The following SYNE3 variants were observed in gnomAD, a reference collection of about 807,000 sequenced individuals.
SYNE3 encodes nesprin-3.
In SYNE3, 100 loss-of-function variants were observed where a neutral mutation model predicts 111.2. That is an observed-to-expected ratio of 0.90 (90% confidence interval 0.77 to 1.06). The LOEUF is 1.06. Ranked by LOEUF, SYNE3 falls within the 50% of genes least tolerant of loss-of-function variation. The pLI is 0.00. For synonymous variants in SYNE3, 547 were observed against 533.9 expected (o/e 1.02, Z -0.34); for missense variants, 1,160 against 1,240.3 (o/e 0.94, Z 0.97).
intron 1 of SYNE3, among the ~76,000 whole-genome samples, chr14:95,477,943 G>A (rs1047756850): frequency 1.3e-5 from 2 of 152,178 alleles, no homozygotes; most frequent in African/African-American, 2.4e-5. Flanking sequence ...GGACAGAGAC[G>A]AGTCCTGCTG....
In SYNE3 at chr14:95,516,578, C is replaced by T. The variant is rs1373330508; in HGVS notation, c.-15+18G>A. 6.7e-6 allele frequency among the ~76,000 whole-genome samples: 1 copy of T among 148,558 alleles called. No homozygotes were observed. The highest frequency in any genetic ancestry group is 1.5e-5 in the Non-Finnish European group (1 of 66,374). On this transcript the variant is annotated intron_variant, in intron 1 of 17. Transcript: ENST00000682763. The stretch of plus-strand genomic sequence containing the variant: ...GCCCCCGGCCCCAGGCCTGGCCTCC[C>T]GGCCCCGTGCCACTTACCCTCCCGG...
At chr14:95,444,660 G>C (rs995192063) in intron 9 of SYNE3, 32 bp from the exon 10 acceptor site, 1 of 1,540,964 alleles carries the variant, frequency 6.5e-7, no homozygotes, top group Non-Finnish European at 8.8e-7. Flanking sequence ...TGCACATTAA[G>C]AGCGTTCCTC....
intron 16 of SYNE3, 32 bp from the exon 17 acceptor site, chr14:95,432,149 G>GA (rs112612004): frequency 0.12 from 196,640 of 1,598,104 alleles, 13,105 homozygotes; most frequent in Admixed American, 0.27. Flanking sequence ...GGAAAAGGGG[G>GA]GAAAAAAATA....
intron 4 of SYNE3, among the ~76,000 whole-genome samples, chr14:95,461,880 G>A (rs999883803): frequency 6.6e-6 from 1 of 152,216 alleles, no homozygotes; most frequent in African/African-American, 2.4e-5. Context: ...CTGGGTATGT[G>A]GAGTGCCCAC....
chr14:95,445,723 A>G (rs1045709646), intron 9 of SYNE3, among the ~76,000 whole-genome samples, 186 bp downstream of exon 9: 2 of 152,362 alleles, frequency 1.3e-5, no homozygotes, highest in Admixed American at 1.3e-4. Context: ...TAGAGGGACC[A>G]TGCAAGAATC....
In SYNE3 at chr14:95,433,326, C is replaced by A. The variant is rs1311917143; in HGVS notation, c.2622G>T (p.Glu874Asp). The A allele has an allele frequency of 6.8e-6, 11 of 1,614,068 alleles. No homozygotes were observed. Among genetic ancestry groups the A allele is most frequent in the Non-Finnish European group, 9.3e-6 (11 of 1,180,044 alleles). The change falls in exon 16 of 18, where the codon GAG (glutamate) becomes GAT (aspartate). Residue 874 changes from glutamate to aspartate, a missense_variant. Transcript: ENST00000682763. ...RLGPARGTSD[E>D]LEDLRYQWML... ...TCCACTGGTAGCGCAGATCTTCCAG[C>A]TCATCCGAGGTCCCCCTTGCTGGCC... is the stretch of plus-strand genomic sequence containing the variant.
intron 5 of SYNE3, among the ~76,000 whole-genome samples, chr14:95,456,673 C>A (rs1887458728): frequency 6.6e-6 from 1 of 152,166 alleles, no homozygotes; most frequent in Non-Finnish European, 1.5e-5. Context: ...CCAGGGATTT[C>A]CATAAAGCCT....
Position 95,466,005 on chromosome 14 carries a change from C to G in SYNE3, c.553G>C (p.Gly185Arg). ...GCATCTTCGTCCACGCTGGGGTCCC[C>G]GATCCTGTTGAACAGGGAGGCTGCC... ...EEAASLFNRI[G>R]DPSVDEDAQK... The change falls in exon 4 of 18, where the codon GGG becomes CGG. Residue 185 changes from glycine to arginine, a missense_variant. Coordinates refer to ENST00000682763, the MANE Select transcript of SYNE3 (RefSeq NM_152592.6). 1 of 1,610,854 alleles carries G rather than the reference C, an allele frequency of 6.2e-7. No homozygotes were observed.
At chr14:95,514,326 G>A (rs1012585529) in intron 1 of SYNE3, among the ~76,000 whole-genome samples, 4 of 152,162 alleles carry the variant, frequency 2.6e-5, no homozygotes, top group African/African-American at 9.7e-5. Context: ...AGCTGTTTGG[G>A]GTCAAGAGCC....
intron 1 of SYNE3, among the ~76,000 whole-genome samples, chr14:95,509,128 A>G (rs1217825635): frequency 6.6e-6 from 1 of 152,230 alleles, no homozygotes; most frequent in African/African-American, 2.4e-5. Flanking sequence ...ATTAGTATCA[A>G]TGGCAAAGTG....
At position 95,470,827 on chromosome 14, in the gene SYNE3, G is replaced by A. The variant is rs373945167; in HGVS notation, c.145-2860C>T. The stretch of plus-strand genomic sequence containing the variant: ...ACAAAAATTAGCCGGGCATGGTGGC[G>A]CACACCTGTGATCCTAGCTACTCAG... On this transcript the variant is annotated intron_variant, in intron 2 of 17. Coordinates refer to ENST00000682763, the MANE Select transcript of SYNE3 (RefSeq NM_152592.6). The surrounding 1 kb of genome is among the most constrained non-coding windows in gnomAD (Gnocchi z 4.2). 5.2e-4 allele frequency among the ~76,000 whole-genome samples: 78 copies of A among 151,296 alleles called. No individual in the cohort carries two copies. The highest frequency in any genetic ancestry group is 1.6e-3 in the African/African-American group (66 of 41,264).
chr14:95,408,929 G>T lies in SYNE3; in HGVS notation c.*8897C>A. ...CAGTGGGAAGGTAGACAGACAGTGG[G>T]TACCTGCTCCCGTCCCCTGGGACCT... is the stretch of plus-strand genomic sequence containing the variant. On this transcript the variant is annotated 3_prime_UTR_variant, in exon 18 of 18. Transcript: ENST00000682763. 1 of 355,056 alleles carries T rather than the reference G, an allele frequency of 2.8e-6. No homozygotes were observed. The highest frequency in any genetic ancestry group is 2.1e-5 in the South Asian group (1 of 48,114). 22.0% of individuals were successfully genotyped at this position (355,056 alleles called of 1,614,324 possible). A position where few individuals can be genotyped will look rare whatever the true frequency, so the allele number is the denominator to read the frequency against.
chr14:95,431,931 G>A (rs987269293), intron 17 of SYNE3, 148 bp downstream of exon 17: 24 of 919,578 alleles, frequency 2.6e-5, no homozygotes, highest in Admixed American at 5.7e-5. Context: ...CCAGCACAGC[G>A]CAGCCCAGAG....
chr14:95,455,413 G>C lies in SYNE3; in HGVS notation c.1101C>G (p.Thr367=), dbSNP rs562314585. 8 of 1,564,300 alleles carry C rather than the reference G, an allele frequency of 5.1e-6. No homozygotes were observed. The highest frequency in any genetic ancestry group is 6.9e-6 in the Non-Finnish European group (8 of 1,156,332). The change falls in exon 6 of 18, where the codon ACC becomes ACG. Residue 367 remains threonine, a synonymous_variant. Transcript: ENST00000682763. ...TCCAGTGTGCCACCAGCTCGTCCTC[G>C]GTCCCCGCTTTCGCCGCAGGCTGCA... ...EGLQPAAKAG[T]EDELVAHWRR...
At chr14:95,488,433 C>T (rs887431304) in intron 1 of SYNE3, among the ~76,000 whole-genome samples, 1 of 152,166 alleles carries the variant, frequency 6.6e-6, no homozygotes, top group Non-Finnish European at 1.5e-5. Context: ...TAGTTTCCAA[C>T]AAAGCTGTGA....
intron 17 of SYNE3, among the ~76,000 whole-genome samples, chr14:95,419,684 C>T (rs1401859363): frequency 5.9e-5 from 6 of 101,294 alleles, no homozygotes; most frequent in Admixed American, 1.6e-4. Flanking sequence ...GGTGGTGATG[C>T]GATAATGATC....
intron 8 of SYNE3, chr14:95,449,459 G>A (rs750830097): frequency 1.7e-4 from 164 of 985,440 alleles, no homozygotes; most frequent in African/African-American, 1.5e-3. Context: ...GTTTGGAGCC[G>A]GAGCAGCCAT....
chr14:95,426,398 G>A (rs1885429077), intron 17 of SYNE3, among the ~76,000 whole-genome samples: 1 of 152,112 alleles, frequency 6.6e-6, no homozygotes, highest in Non-Finnish European at 1.5e-5. Context: ...TAAGTCACAG[G>A]GGTAAAAACT....
intron 1 of SYNE3, among the ~76,000 whole-genome samples, chr14:95,511,942 G>A (rs60637583): frequency 4.6e-5 from 7 of 152,078 alleles, no homozygotes; most frequent in Non-Finnish European, 7.4e-5. Flanking sequence ...AGGACACTTC[G>A]TTTTGTTATA....
Sources: gnomAD v4.1 joint callset for allele counts (sites outside exome capture counted in the v4.1 genomes callset) on GRCh38, gnomAD v4.1.1 for gene constraint, Gnocchi (gnomAD v3.1) non-coding constraint, MANE v1.5 for transcripts, NCBI Gene and HGNC (gene_info 2026-07-23, HGNC 2026-07-21) for gene names.